Variants in CST9L observed in about 807,000 individuals in gnomAD.
CST9L encodes cystatin-9-like.
In CST9L, 17 loss-of-function variants were observed where a neutral mutation model predicts 13.2. The ratio of observed to expected loss-of-function variants is 1.29; its 90% CI spans 0.88 to 1.93. The LOEUF (loss-of-function observed/expected upper bound fraction) is 1.93. Among genes scored for constraint, CST9L ranks in the 30% most tolerant of loss-of-function variants. The pLI is 0.00. For synonymous variants in CST9L, 78 were observed against 69.1 expected, an observed-to-expected ratio of 1.13 and a Z score of -0.64; for missense variants, 170 against 170.5, an observed-to-expected ratio of 1.00 and a Z score of 0.02.
At chr20:23,568,162 T>C (rs764967975) in intron 1 of CST9L, 49 bp downstream of exon 1, 1 of 1,604,722 alleles carries the variant, frequency 6.2e-7, no homozygotes, top group Non-Finnish European at 8.5e-7. Context: ...CATTTTTCAC[T>C]GAGCAGCACA....
chr20:23,565,842 G>C (rs1989085034), intron 2 of CST9L, 132 bp downstream of exon 2: 2 of 710,356 alleles, frequency 2.8e-6, no homozygotes, highest in Non-Finnish European at 5.2e-6. Flanking sequence ...TAAGGCACAA[G>C]CAGGGCAGCC....
chr20:23,567,507 C>CAAAAA (rs11470332), intron 1 of CST9L, among the ~76,000 whole-genome samples: 1 of 110,602 alleles, frequency 9.0e-6, no homozygotes, highest in Non-Finnish European at 1.7e-5. Flanking sequence ...GATTCCATCT[C>CAAAAA]AAAAAAAAAA....
chr20:23,565,606 A>G (rs1015476610), intron 2 of CST9L, among the ~76,000 whole-genome samples: 1 of 152,102 alleles, frequency 6.6e-6, no homozygotes, highest in Non-Finnish European at 1.5e-5. Context: ...GACAGAGGTG[A>G]TGTCAGATCC....
chr20:23,568,060 AAACT>A, intron 1 of CST9L, 147 bp downstream of exon 1: 2 of 720,482 alleles, frequency 2.8e-6, no homozygotes, highest in Non-Finnish European at 4.5e-6. Context: ...TCAAAATCAA[AAACT>A]AACTAAACTA....
intron 1 of CST9L, among the ~76,000 whole-genome samples, chr20:23,566,833 A>T (rs1317663527): frequency 6.6e-6 from 1 of 152,126 alleles, no homozygotes; most frequent in Non-Finnish European, 1.5e-5. Flanking sequence ...GGTTGCAGGG[A>T]GCTGAGATTG....
chr20:23,565,809 G>A (rs1038753575), intron 2 of CST9L, among the ~76,000 whole-genome samples, 165 bp downstream of exon 2: 2 of 152,164 alleles, frequency 1.3e-5, no homozygotes, highest in Non-Finnish European at 2.9e-5. Flanking sequence ...ACCCCTAGCT[G>A]CCTGCCCCTC....
At chr20:23,566,750 G>A (rs748629009) in intron 1 of CST9L, among the ~76,000 whole-genome samples, 16 of 152,112 alleles carry the variant, frequency 1.1e-4, no homozygotes, top group Non-Finnish European at 2.1e-4. Flanking sequence ...TGGGCATGGT[G>A]GCAGGTGCTT....
rs895130545 is a variant in CST9L at position 23,568,195 on chromosome 20, G to T, written c.240+16C>A. The stretch of plus-strand genomic sequence containing the variant: ...ACATGCCAGATGCCAGGGCAGGAGG[G>T]TACGTGGTCACCAACCTGCTCCTTC... On this transcript the variant is annotated intron_variant, in intron 1 of 2. Coordinates refer to ENST00000376979, the MANE Select transcript of CST9L (RefSeq NM_080610.3). 14 of 1,614,078 alleles carry T rather than the reference G, an allele frequency of 8.7e-6. No homozygotes were observed. The highest frequency in any genetic ancestry group is 1.1e-5 in the Non-Finnish European group (13 of 1,179,960).
At position 23,568,417 on chromosome 20, in the gene CST9L, A is replaced by G. The variant is rs1989130256; in HGVS notation, c.34T>C (p.Trp12Arg). Reference sequence around the variant, plus strand: ...CCTAAGAGAAGCAGCAGCAGCGCCCAGGACAGACCTCCCTTCCACGGCAGG... The same window carrying G: ...CCTAAGAGAAGCAGCAGCAGCGCCCGGGACAGACCTCCCTTCCACGGCAGG... ...LGLPWKGGLS[W>R]ALLLLLLGSQ... Residue 12 changes from tryptophan to arginine, a missense_variant, in exon 1 of 3, where the codon TGG becomes CGG. By Grantham distance (101) the Trp-to-Arg change is moderately radical. Transcript: ENST00000376979. 1 of 1,614,168 alleles carries G rather than the reference A, an allele frequency of 6.2e-7. No homozygotes were observed.
In CST9L at chr20:23,566,082, C is replaced by A. The variant is rs751842420; in HGVS notation, c.246G>T (p.Glu82Asp). Residue 82 changes from glutamate (E) to aspartate (D), a missense_variant, in exon 2 of 3, where the codon GAG (glutamate) becomes GAT (aspartate). By Grantham distance (45) the Glu-to-Asp change is conservative. Transcript: ENST00000376979. ...HILNSWKEQV[E>D]SKTVFSMELL... ...GCTCCATTGAGAATACAGTCTTGGACTCCACCTATTGCACACAGAGAGATT... is the reference window on the plus strand; with the variant it reads ...GCTCCATTGAGAATACAGTCTTGGAATCCACCTATTGCACACAGAGAGATT... 14 of 1,565,090 alleles carry A rather than the reference C, an allele frequency of 8.9e-6. No homozygotes were observed. The highest frequency in any genetic ancestry group is 1.2e-5 in the Non-Finnish European group (14 of 1,135,236).
chr20:23,566,358 CTCAG>C (rs774591647), intron 1 of CST9L, among the ~76,000 whole-genome samples: 1 of 152,234 alleles, frequency 6.6e-6, no homozygotes, highest in Non-Finnish European at 1.5e-5. Flanking sequence ...CAGTTTCACT[CTCAG>C]TCAGTGTCTG....
chr20:23,566,208 C>T, intron 1 of CST9L, 121 bp from the exon 2 acceptor site: 1 of 719,004 alleles, frequency 1.4e-6, no homozygotes, highest in South Asian at 1.5e-5. Flanking sequence ...GGAGCTTGCC[C>T]ATGGGCCTGG....
chr20:23,565,118 C>G lies in CST9L; in HGVS notation c.355-81G>C, dbSNP rs148541767. The G allele has an allele frequency of 2.1e-5, 20 of 974,272 alleles. No homozygotes were observed. In the African/African-American group the frequency reaches 2.6e-4, roughly 12 times the overall value. 60.4% of individuals were successfully genotyped at this position (974,272 alleles called of 1,614,324 possible). On this transcript the variant is annotated intron_variant, in intron 2 of 2. Transcript: ENST00000376979. ...GGCTCAAGCTCTGAACAATGGCTTC[C>G]TCTCCACATTGCCCTTTCCCAGGTC...
At chr20:23,565,853 T>C in intron 2 of CST9L, 121 bp downstream of exon 2, 1 of 734,828 alleles carries the variant, frequency 1.4e-6, no homozygotes, top group Admixed American at 1.8e-5. Context: ...CAGGGCAGCC[T>C]GGTAGAGGCT....
At chr20:23,568,140 C>T in intron 1 of CST9L, 71 bp downstream of exon 1, 2 of 1,560,918 alleles carry the variant, frequency 1.3e-6, no homozygotes, top group South Asian at 2.3e-5. Flanking sequence ...CCCCCTGTCC[C>T]CACCCCACTC....
At chr20:23,565,928 G>T in intron 2 of CST9L, 46 bp downstream of exon 2, 1 of 1,022,172 alleles carries the variant, frequency 9.8e-7, no homozygotes, top group South Asian at 1.3e-5. Flanking sequence ...CACCCCATGT[G>T]GCATCCACAG....
At position 23,565,029 on chromosome 20, in the gene CST9L, G is replaced by A. The variant is rs1002779811; in HGVS notation, c.363C>T (p.Thr121=). 1.2e-6 allele frequency: 2 copies of A among 1,613,440 alleles called. No individual in the cohort carries two copies. The highest frequency in any genetic ancestry group is 1.7e-6 in the Non-Finnish European group (2 of 1,179,436). Residue 121 remains threonine, a synonymous_variant, in exon 3 of 3, where the codon ACC becomes ACT. Coordinates refer to ENST00000376979, the MANE Select transcript of CST9L (RefSeq NM_080610.3). ...QESTELNNTF[T]CFFTISTRPW... Reference sequence around the variant, plus strand: ...GCCTGGTGCTGATGGTGAAGAAGCAGGTGAAAGTCTGAGAGAACAAGCACA... The same window carrying A: ...GCCTGGTGCTGATGGTGAAGAAGCAAGTGAAAGTCTGAGAGAACAAGCACA...
intron 2 of CST9L, 30 bp downstream of exon 2, chr20:23,565,944 T>A (rs367979416): frequency 1.2e-5 from 14 of 1,194,380 alleles, no homozygotes; most frequent in Non-Finnish European, 1.8e-5. Flanking sequence ...CACAGCTGTA[T>A]CCAGGAGGGA....
intron 2 of CST9L, 62 bp from the exon 3 acceptor site, chr20:23,565,099 A>G: frequency 1.7e-6 from 2 of 1,171,350 alleles, no homozygotes; most frequent in Middle Eastern, 2.2e-4. Flanking sequence ...TCATGGCTCA[A>G]GCTCTGAACA....
Sources: gnomAD v4.1 joint callset for allele counts (sites outside exome capture counted in the v4.1 genomes callset) on GRCh38, gnomAD v4.1.1 for gene constraint, MANE v1.5 for transcripts, NCBI Gene and HGNC (gene_info 2026-07-23, HGNC 2026-07-21) for gene names.